Variants in FAM90A1 observed in about 807,000 individuals in gnomAD.
FAM90A1 encodes protein FAM90A1.
FAM90A1 carries 10 observed loss-of-function variants against 14.8 expected under a neutral mutation model. The observed-to-expected ratio is 0.67, with a 90% CI of 0.42 to 1.14. FAM90A1 has a LOEUF of 1.14. Among genes scored for constraint, FAM90A1 ranks in the 50% most tolerant of loss-of-function variants. The pLI is 0.00. For synonymous variants in FAM90A1, 236 were observed against 248.4 expected (o/e 0.95, Z 0.47); for missense variants, 567 against 602.8 (o/e 0.94, Z 0.62).
At position 8,222,756 on chromosome 12, in the gene FAM90A1, G is replaced by A. The variant is rs1440486863; in HGVS notation, c.461C>T (p.Thr154Ile). 6.2e-7 allele frequency: 1 copy of A among 1,601,362 alleles called. No individual in the cohort carries two copies. The highest frequency in any genetic ancestry group is 8.5e-7 in the Non-Finnish European group (1 of 1,179,606). ...RVASGPMPVH[T>I]TSKRPRVDPV... is the part of the protein sequence containing the mutation. Reference sequence around the variant, plus strand: ...GTCCACACGCGGCCTCTTACTGGTTGTGTGGACCGGCATTGGCCCGCTTGC... The same window carrying A: ...GTCCACACGCGGCCTCTTACTGGTTATGTGGACCGGCATTGGCCCGCTTGC... The change falls in exon 7 of 7, where the codon ACA (threonine) becomes ATA (isoleucine). Residue 154 changes from threonine (T) to isoleucine (I), a missense_variant. Coordinates refer to ENST00000538603, the MANE Select transcript of FAM90A1 (RefSeq NM_018088.3).
chr12:8,223,481 T>A lies in FAM90A1; in HGVS notation c.400A>T (p.Lys134Ter), dbSNP rs375719314. The A allele has an allele frequency of 4.0e-5, 65 of 1,609,768 alleles. No homozygotes were observed. Among genetic ancestry groups the A allele is most frequent in the Middle Eastern group, 2.2e-4 (1 of 4,450 alleles). The change falls in exon 6 of 7, where the codon AAA becomes TAA. Residue 134 changes from lysine to a stop codon, truncating the protein, a stop_gained. Transcript: ENST00000538603. LOFTEE classifies it low-confidence loss of function (END_TRUNC). ...TAATCAGAAGATTCCGTGGATCCTT[T>A]TTGATTTGGCAGCGGCTTCTCTGGA... ...KPPEKPLPNQKGSTESSDYLR... is the reference protein window; with the variant it reads ...KPPEKPLPNQ
chr12:8,222,935 T>G, intron 6 of FAM90A1, 151 bp from the exon 7 acceptor site: 1 of 777,318 alleles, frequency 1.3e-6, no homozygotes, highest in Middle Eastern at 3.6e-4. Context: ...ACCCTCCACC[T>G]GAGTGCTGAT....
At position 8,222,078 on chromosome 12, in the gene FAM90A1, T is replaced by C; in HGVS notation, c.1139A>G (p.His380Arg). 1.2e-6 allele frequency: 2 copies of C among 1,608,570 alleles called. No homozygotes were observed. The highest frequency in any genetic ancestry group is 1.7e-6 in the Non-Finnish European group (2 of 1,179,986). Residue 380 changes from histidine to arginine, a missense_variant, in exon 7 of 7, where the codon CAT becomes CGT. Coordinates refer to ENST00000538603, the MANE Select transcript of FAM90A1 (RefSeq NM_018088.3). ...CCCATCATGGCTGGCCGCTGGGTGA[T>C]GGGACATGGTGCAGGCCTGGGCAGT... ...LPTAQACTMS[H>R]HPAASHDGAQ...
rs1433596194 is a variant in FAM90A1, at chr12:8,224,066, C to T, written c.273G>A (p.Ala91=). ...TATCCTTGTTCAAGGGCCCAGGGTT[C>T]GCTTCAACCTGGGGCTTCCATGGTT... is the stretch of plus-strand genomic sequence containing the variant. ...NLKPWKPQVE[A]NPGPLNKDKG... is the part of the protein sequence containing the mutation. The change falls in exon 5 of 7, where the codon GCG becomes GCA. Residue 91 remains alanine, a synonymous_variant. Coordinates refer to ENST00000538603, the MANE Select transcript of FAM90A1 (RefSeq NM_018088.3). The T allele has an allele frequency of 1.3e-5, 21 of 1,611,938 alleles. No individual in the cohort carries two copies. The highest frequency in any genetic ancestry group is 4.5e-5 in the East Asian group (2 of 44,904).
At position 8,222,718 on chromosome 12, in the gene FAM90A1, C is replaced by T; in HGVS notation, c.499G>A (p.Asp167Asn). The change falls in exon 7 of 7, where the codon GAT becomes AAT. Residue 167 changes from aspartate to asparagine, a missense_variant. Transcript: ENST00000538603. The part of the protein sequence containing the change: ...KRPRVDPVLS[D>N]RSATEMSDRG... The stretch of plus-strand genomic sequence containing the variant: ...TCAGACATTTCGGTAGCTGAGCGAT[C>T]AGAGAGGACAGGGTCCACACGCGGC... 2 of 1,606,138 alleles carry T rather than the reference C, an allele frequency of 1.2e-6. No homozygotes were observed. Among genetic ancestry groups the T allele is most frequent in the East Asian group, 2.2e-5 (1 of 44,890 alleles).
chr12:8,224,754 G>C lies in FAM90A1; in HGVS notation c.79C>G (p.Pro27Ala), dbSNP rs1168796623. 2.4e-5 allele frequency: 39 copies of C among 1,596,014 alleles called. No homozygotes were observed. The highest frequency in any genetic ancestry group is 3.0e-5 in the Non-Finnish European group (35 of 1,172,274). The change falls in exon 4 of 7, where the codon CCA (proline) becomes GCA (alanine). Residue 27 changes from proline (P) to alanine (A), a missense_variant. Pro to Ala is a conservative substitution (Grantham distance 27). Coordinates refer to ENST00000538603, the MANE Select transcript of FAM90A1 (RefSeq NM_018088.3). ...AQTLQKQRRA[P>A]VGPRAPPPDE... is the part of the protein sequence containing the mutation. The stretch of plus-strand genomic sequence containing the variant: ...GGCGGGGGAGCCCTTGGCCCAACTG[G>C]GGCCCTCCGCTGCTTCTGGAGGGTC...
In FAM90A1 at chr12:8,227,481, C is replaced by G; in HGVS notation, c.-422G>C. On this transcript the variant is annotated splice_region_variant and 5_prime_UTR_variant, in exon 1 of 7. Coordinates refer to ENST00000538603, the MANE Select transcript of FAM90A1 (RefSeq NM_018088.3). ...GTCGGGTGCCAGGCCAGTGCTTACC[C>G]CGCCATGTTTTCAAGCCCGAGGCCA... 1 of 663,470 alleles carries G rather than the reference C, an allele frequency of 1.5e-6. No individual in the cohort carries two copies. Among genetic ancestry groups the G allele is most frequent in the South Asian group, 2.0e-5 (1 of 50,116 alleles). The allele number at this position is 663,470 out of a possible 1,614,324, so 41.1% of individuals were successfully genotyped here. A position where few individuals can be genotyped will look rare whatever the true frequency, so the allele number is the denominator to read the frequency against.
chr12:8,224,005 C>A lies in FAM90A1; in HGVS notation c.323+11G>T. 6.2e-7 allele frequency: 1 copy of A among 1,611,558 alleles called. No individual in the cohort carries two copies. Among genetic ancestry groups the A allele is most frequent in the Non-Finnish European group, 8.5e-7 (1 of 1,179,466 alleles). ...ACCCTAAGAGTGGTGAAAACCACTCCCACTGCTCACCTTGGTCTCTCTTCC... is the reference window on the plus strand; with the variant it reads ...ACCCTAAGAGTGGTGAAAACCACTCACACTGCTCACCTTGGTCTCTCTTCC... On this transcript the variant is annotated intron_variant, in intron 5 of 6. Transcript: ENST00000538603.
At chr12:8,222,906 TC>T (rs1235681200) in intron 6 of FAM90A1, 122 bp from the exon 7 acceptor site, 1 of 1,091,118 alleles carries the variant, frequency 9.2e-7, no homozygotes, top group African/African-American at 1.6e-5. Flanking sequence ...CGACAGGCGG[TC>T]CTTGGAAGTA....
At chr12:8,223,168 T>C (rs1413738993) in intron 6 of FAM90A1, among the ~76,000 whole-genome samples, 1 of 152,254 alleles carries the variant, frequency 6.6e-6, no homozygotes, top group Non-Finnish European at 1.5e-5. Context: ...TTTAGCCTTC[T>C]CCACGTTTGG....
intron 1 of FAM90A1, among the ~76,000 whole-genome samples, chr12:8,226,907 G>T (rs1162893476): frequency 1.4e-5 from 2 of 141,560 alleles, no homozygotes; most frequent in Non-Finnish European, 3.0e-5. Context: ...TCACAGTCAA[G>T]CAATTCTCAT....
Position 8,222,356 on chromosome 12 carries a change from C to T in FAM90A1, c.861G>A (p.Gly287=), listed in dbSNP as rs376762035. 18 of 1,611,584 alleles carry T rather than the reference C, an allele frequency of 1.1e-5. No individual in the cohort carries two copies. Among genetic ancestry groups the T allele is most frequent in the Admixed American group, 1.7e-5 (1 of 60,002 alleles). Residue 287 remains glycine, a synonymous_variant, in exon 7 of 7, where the codon GGG becomes GGA. Transcript: ENST00000538603. ...SLGLGSNLSF[G]PGAKRSAPAP... ...CCGGGGCAGATCTCTTGGCTCCTGG[C>T]CCGAAGCTGAGATTGGAGCCTAGGC...
rs1401613836 is a variant in FAM90A1 at position 8,221,434 on chromosome 12, C to G, written c.*388G>C. The stretch of plus-strand genomic sequence containing the variant: ...GCGGGGCACAGCGGAAGGGCTGCAC[C>G]TCTCAGGGTTCCCTAACTTTTCCCT... On this transcript the variant is annotated 3_prime_UTR_variant, in exon 7 of 7. Coordinates refer to ENST00000538603, the MANE Select transcript of FAM90A1 (RefSeq NM_018088.3). 1 of 362,972 alleles carries G rather than the reference C, an allele frequency of 2.8e-6. No individual in the cohort carries two copies. Among genetic ancestry groups the G allele is most frequent in the African/African-American group, 2.1e-5 (1 of 47,096 alleles). The allele number at this position is 362,972 out of a possible 1,614,324, so 22.5% of individuals were successfully genotyped here. A position where few individuals can be genotyped will look rare whatever the true frequency, so the allele number is the denominator to read the frequency against.
Position 8,221,911 on chromosome 12 carries a change from C to T in FAM90A1, c.1306G>A (p.Gly436Ser), listed in dbSNP as rs1484231509. Residue 436 changes from glycine to serine, a missense_variant, in exon 7 of 7, where the codon GGT (glycine) becomes AGT (serine). Coordinates refer to ENST00000538603, the MANE Select transcript of FAM90A1 (RefSeq NM_018088.3). Reference protein sequence around the residue: ...QSPHVSEKSEGPCVRVPPSVL... With the variant: ...QSPHVSEKSESPCVRVPPSVL... ...CTTGGTGGGACACGAACACAGGGAC[C>T]CTCAGACTTCTCTGAGACATGAGGG... is the stretch of plus-strand genomic sequence containing the variant. The T allele has an allele frequency of 2.5e-6, 4 of 1,596,474 alleles. No homozygotes were observed. Among genetic ancestry groups the T allele is most frequent in the East Asian group, 2.2e-5 (1 of 44,880 alleles).
At chr12:8,226,850 G>GGCT (rs763024960) in intron 1 of FAM90A1, among the ~76,000 whole-genome samples, 47 of 129,674 alleles carry the variant, frequency 3.6e-4, no homozygotes, top group African/African-American at 1.4e-3. Context: ...CTGTCGCCCA[G>GGCT]GCTGGGGTGC....
Position 8,224,118 on chromosome 12 carries a change from C to T in FAM90A1, c.221G>A (p.Gly74Glu). ...WKAALVPPNF[G>E]EKEGKENLKP... Reference sequence around the variant, plus strand: ...CAGGTTTTCCTTCCCTTCCTTTTCCCCAAAGTTCGGTGGAACCAGGGCTGC... The same window carrying T: ...CAGGTTTTCCTTCCCTTCCTTTTCCTCAAAGTTCGGTGGAACCAGGGCTGC... Residue 74 changes from glycine (G) to glutamate (E), a missense_variant, in exon 5 of 7, where the codon GGG (glycine) becomes GAG (glutamate). Transcript: ENST00000538603. 6.2e-7 allele frequency: 1 copy of T among 1,612,086 alleles called. No homozygotes were observed. Among genetic ancestry groups the T allele is most frequent in the Non-Finnish European group, 8.5e-7 (1 of 1,179,880 alleles).
At chr12:8,225,421 T>C (rs1277258545) in intron 3 of FAM90A1, among the ~76,000 whole-genome samples, 3 of 152,204 alleles carry the variant, frequency 2.0e-5, no homozygotes, top group Non-Finnish European at 4.4e-5. Context: ...CAGGTGATGG[T>C]CTTTCCTGTT....
chr12:8,221,376 G>A lies in FAM90A1; in HGVS notation c.*446C>T, dbSNP rs114826648. The A allele has an allele frequency of 0.041, 12,046 of 296,774 alleles. 635 individuals carry two copies. Among genetic ancestry groups the A allele is most frequent in the African/African-American group, 0.15 (7,017 of 45,638 alleles). The allele number at this position is 296,774 out of a possible 1,614,324, so 18.4% of individuals were successfully genotyped here. ...AGACCCCGAGAGCGCTTTGCACAGC[G>A]CGCTTCCCAGCGTCCGAAACACTGC... On this transcript the variant is annotated 3_prime_UTR_variant, in exon 7 of 7. Coordinates refer to ENST00000538603, the MANE Select transcript of FAM90A1 (RefSeq NM_018088.3).
chr12:8,225,024 A>G, intron 3 of FAM90A1, 136 bp from the exon 4 acceptor site: 1 of 646,912 alleles, frequency 1.5e-6, no homozygotes, highest in Non-Finnish European at 2.7e-6. Context: ...AATCTGTGGA[A>G]CACAATGTGC....
Sources: allele counts gnomAD v4.1 joint callset (sites outside exome capture counted in the v4.1 genomes callset), GRCh38; gene constraint gnomAD v4.1.1; transcripts MANE v1.5; gene names NCBI Gene and HGNC (gene_info 2026-07-23, HGNC 2026-07-21).